The following COLEC12 variants were observed in gnomAD, a reference collection of about 807,000 sequenced individuals.
COLEC12 encodes the protein collectin subfamily member 12.
Under a neutral mutation model 71.1 loss-of-function variants are expected in COLEC12, and 33 were observed. The ratio of observed to expected loss-of-function variants is 0.46; its 90% CI spans 0.35 to 0.62. The LOEUF (loss-of-function observed/expected upper bound fraction) is 0.62. COLEC12 is among the 20% of genes least tolerant of loss of function. The pLI is 0.00. For missense variants in COLEC12, 765 were observed against 916.1 expected (o/e 0.84, Z 2.13); for synonymous variants, 350 against 353.0 (o/e 0.99, Z 0.10).
At chr18:326,904 G>C (rs915704778) in intron 8 of COLEC12, among the ~76,000 whole-genome samples, 1 of 152,174 alleles carries the variant, frequency 6.6e-6, no homozygotes, top group Non-Finnish European at 1.5e-5. Flanking sequence ...TCCACAGTTA[G>C]GGTTGCTATG....
At chr18:329,361 T>C (rs1218172019) in intron 8 of COLEC12, among the ~76,000 whole-genome samples, 1 of 152,166 alleles carries the variant, frequency 6.6e-6, no homozygotes, top group Non-Finnish European at 1.5e-5. Context: ...GAGAAGATGA[T>C]TTTTTGTTTC....
At position 346,457 on chromosome 18, in the gene COLEC12, G is replaced by A; in HGVS notation, c.1165C>T (p.Leu389=). 6.2e-7 allele frequency: 1 copy of A among 1,614,204 alleles called. No individual in the cohort carries two copies. Among genetic ancestry groups the A allele is most frequent in the Non-Finnish European group, 8.5e-7 (1 of 1,180,032 alleles). ...TDDLTSLNNT[L]ANIRLDSVSL... is the part of the protein sequence containing the mutation. ...ACAGAATCCAAACGGATGTTGGCCA[G>A]GGTATTATTCAAGGAGGTCAGATCA... is the stretch of plus-strand genomic sequence containing the variant. The change falls in exon 5 of 10, where the codon CTG becomes TTG. Residue 389 remains leucine, a synonymous_variant. Coordinates refer to ENST00000400256, the MANE Select transcript of COLEC12 (RefSeq NM_130386.3). This position sits in a 1 kb window ranked among gnomAD's most constrained non-coding sequence, Gnocchi z 4.0.
chr18:339,851 A>G (rs1914204958), intron 5 of COLEC12, among the ~76,000 whole-genome samples: 3 of 152,090 alleles, frequency 2.0e-5, no homozygotes. Flanking sequence ...TGAGAAGAAG[A>G]GCTAAAGCCA....
At chr18:482,037 G>A (rs961832638) in intron 1 of COLEC12, among the ~76,000 whole-genome samples, 1 of 151,738 alleles carries the variant, frequency 6.6e-6, no homozygotes, top group Non-Finnish European at 1.5e-5. Context: ...CATAGCACCC[G>A]ACACGTAGTT....
intron 2 of COLEC12, among the ~76,000 whole-genome samples, chr18:373,996 G>A (rs1159413979): frequency 6.6e-6 from 1 of 152,186 alleles, no homozygotes; most frequent in Non-Finnish European, 1.5e-5. Context: ...CAGGGGATAA[G>A]GGGCTTCCAA....
chr18:329,596 G>A (rs1913924650), intron 8 of COLEC12, among the ~76,000 whole-genome samples: 1 of 152,162 alleles, frequency 6.6e-6, no homozygotes, highest in Non-Finnish European at 1.5e-5. Flanking sequence ...AAAGTCTCAA[G>A]TGCCAGATTA....
At chr18:467,012 GAAAAGA>G (rs754331673) in intron 2 of COLEC12, among the ~76,000 whole-genome samples, 32 of 152,178 alleles carry the variant, frequency 2.1e-4, no homozygotes, top group Non-Finnish European at 4.0e-4. Flanking sequence ...AGTCAGTAAG[GAAAAGA>G]AAAAGACTTT....
intron 2 of COLEC12, among the ~76,000 whole-genome samples, chr18:440,685 C>T (rs977142292): frequency 2.6e-5 from 4 of 152,158 alleles, no homozygotes; most frequent in African/African-American, 7.2e-5. Context: ...ATGGGTTCCT[C>T]GTCCACTGAT....
Position 357,499 on chromosome 18 carries a change from T to C in COLEC12, c.82A>G (p.Thr28Ala), listed in dbSNP as rs1293342456. 23 of 1,588,506 alleles carry C rather than the reference T, an allele frequency of 1.4e-5. No homozygotes were observed. Among genetic ancestry groups the C allele is most frequent in the Admixed American group, 3.5e-5 (2 of 57,224 alleles). Residue 28 changes from threonine to alanine, a missense_variant, in exon 3 of 10, where the codon ACC becomes GCC. Thr to Ala is a moderately conservative substitution (Grantham distance 58). Transcript: ENST00000400256. ...AGTGCCCAGTTATTTTTACATTTGG[T>C]ACATTGTGTTCCTTCCTGAATACCT... Reference protein sequence around the residue: ...RFGIQEGTQCTKCKNNWALKF... With the variant: ...RFGIQEGTQCAKCKNNWALKF...
intron 2 of COLEC12, among the ~76,000 whole-genome samples, chr18:448,285 C>A (rs548261458): frequency 3.9e-5 from 6 of 152,180 alleles, no homozygotes; most frequent in Non-Finnish European, 7.3e-5. Context: ...ATGACTCTGG[C>A]AAACGAGCGT....
chr18:386,034 G>A (rs1324819460), intron 2 of COLEC12, among the ~76,000 whole-genome samples: 1 of 152,172 alleles, frequency 6.6e-6, no homozygotes, highest in Non-Finnish European at 1.5e-5. Context: ...AGAGTGAGCT[G>A]GGGATACAGT....
At chr18:431,618 G>A (rs956810303) in intron 2 of COLEC12, among the ~76,000 whole-genome samples, 6 of 152,222 alleles carry the variant, frequency 3.9e-5, no homozygotes, top group African/African-American at 1.4e-4. Flanking sequence ...CTGGAAGCAA[G>A]GTAATGAGTG....
At chr18:365,837 G>A (rs567287609) in intron 2 of COLEC12, among the ~76,000 whole-genome samples, 9 of 152,270 alleles carry the variant, frequency 5.9e-5, no homozygotes, top group South Asian at 4.1e-4. Flanking sequence ...TCTTGAGGCC[G>A]GGAGGGGCGC....
intron 2 of COLEC12, among the ~76,000 whole-genome samples, chr18:463,132 G>A (rs535622828): frequency 4.6e-5 from 7 of 152,208 alleles, no homozygotes; most frequent in East Asian, 1.9e-4. Flanking sequence ...CTTAGGCTTC[G>A]TACCCAGAAA....
chr18:380,000 T>C (rs1399439726), intron 2 of COLEC12, among the ~76,000 whole-genome samples: 2 of 152,120 alleles, frequency 1.3e-5, no homozygotes, highest in South Asian at 2.1e-4. Flanking sequence ...TTTTTTCCAA[T>C]GATGAAGAAA....
At chr18:358,988 T>G (rs1013755752) in intron 2 of COLEC12, among the ~76,000 whole-genome samples, 2 of 152,326 alleles carry the variant, frequency 1.3e-5, no homozygotes, top group East Asian at 3.9e-4. Context: ...AATTCCATTA[T>G]GATAATTACG....
intron 8 of COLEC12, among the ~76,000 whole-genome samples, chr18:328,961 CTGGGGATTTTTATGT>C (rs1913907781): frequency 6.6e-6 from 1 of 152,162 alleles, no homozygotes; most frequent in African/African-American, 2.4e-5. Flanking sequence ...AAATTTGATC[CTGGGGATTTTTATGT>C]TCCTATGTAT....
chr18:431,064 C>T (rs1916293161), intron 2 of COLEC12, among the ~76,000 whole-genome samples: 1 of 152,034 alleles, frequency 6.6e-6, no homozygotes, highest in Non-Finnish European at 1.5e-5. Flanking sequence ...ATGATCAAGG[C>T]TCACCACAGC....
intron 1 of COLEC12, among the ~76,000 whole-genome samples, chr18:498,825 C>T (rs1917763767): frequency 1.3e-5 from 2 of 152,164 alleles, no homozygotes; most frequent in African/African-American, 4.8e-5. Context: ...CAGAATGCAG[C>T]ATAAATCTCT....
Sources: gnomAD v4.1 joint callset for allele counts (sites outside exome capture counted in the v4.1 genomes callset) on GRCh38, gnomAD v4.1.1 for gene constraint, Gnocchi (gnomAD v3.1) non-coding constraint, MANE v1.5 for transcripts, NCBI Gene and HGNC (gene_info 2026-07-23, HGNC 2026-07-21) for gene names.